The following BST1 variants were observed in gnomAD, a reference collection of about 807,000 sequenced individuals.
The protein encoded by BST1 is ADP-ribosyl cyclase/cyclic ADP-ribose hydrolase 2.
In BST1, 49 loss-of-function variants were observed where a neutral mutation model predicts 40.6. The ratio of observed to expected loss-of-function variants is 1.21; its 90% CI spans 0.96 to 1.53. The LOEUF is 1.53. Among genes scored for constraint, BST1 ranks in the 40% most tolerant of loss-of-function variants. BST1 has a pLI of 0.00. For synonymous variants in BST1, 157 were observed against 159.3 expected, an observed-to-expected ratio of 0.99 and a Z score of 0.11; for missense variants, 423 against 395.9, an observed-to-expected ratio of 1.07 and a Z score of -0.58.
chr4:15,765,311 G>A, the BST1 span, among the ~76,000 whole-genome samples: 3 of 151,894 alleles, frequency 2.0e-5, no homozygotes, highest in Admixed American at 2.0e-4. Context: ...GGCAAATCCG[G>A]TCTGTTGTAC....
Position 15,732,005 on chromosome 4 carries a change from G to A in BST1, c.*160G>A. ...GTATTTCAATGAGGCATATGTTCAG[G>A]ATTTCAGAAACAAGAAGTTAGTTCT... On this transcript the variant is annotated 3_prime_UTR_variant, in exon 9 of 9. Coordinates refer to ENST00000265016, the MANE Select transcript of BST1 (RefSeq NM_004334.3). 7.5e-7 allele frequency: 1 copy of A among 1,337,162 alleles called. No homozygotes were observed. The highest frequency in any genetic ancestry group is 9.6e-7 in the Non-Finnish European group (1 of 1,041,712). The allele number at this position is 1,337,162 out of a possible 1,614,324, so 82.8% of individuals were successfully genotyped here. A position where few individuals can be genotyped will look rare whatever the true frequency, so the allele number is the denominator to read the frequency against.
the BST1 span, among the ~76,000 whole-genome samples, chr4:15,747,237 C>T: frequency 6.6e-6 from 1 of 152,160 alleles, no homozygotes; most frequent in African/African-American, 2.4e-5. Flanking sequence ...AAGCAATATC[C>T]TTATCAACTG....
At chr4:15,725,560 C>T (rs1343097581) in intron 8 of BST1, among the ~76,000 whole-genome samples, 1 of 152,174 alleles carries the variant, frequency 6.6e-6, no homozygotes, top group African/African-American at 2.4e-5. Context: ...TTACCTACTA[C>T]CAAGTTCAGA....
the BST1 span, among the ~76,000 whole-genome samples, chr4:15,769,587 C>T: frequency 2.0e-5 from 3 of 152,080 alleles, no homozygotes; most frequent in South Asian, 4.2e-4. Flanking sequence ...AGTCTGGGCT[C>T]TGGTGGTTTG....
intron 8 of BST1, among the ~76,000 whole-genome samples, chr4:15,729,131 A>G (rs1194816333): frequency 3.3e-5 from 5 of 152,242 alleles, no homozygotes; most frequent in African/African-American, 7.2e-5. Flanking sequence ...TTTTTAAAAA[A>G]GATGTAATAT....
At chr4:15,744,692 G>T in the BST1 span, among the ~76,000 whole-genome samples, 13 of 152,200 alleles carry the variant, frequency 8.5e-5, no homozygotes, top group African/African-American at 2.9e-4. Flanking sequence ...AGGCTTAGGG[G>T]CAGAGGAGTG....
Position 15,704,735 on chromosome 4 carries a change from T to C in BST1, c.189-780T>C, listed in dbSNP as rs28449316. 2.7e-3 allele frequency among the ~76,000 whole-genome samples: 418 copies of C among 152,238 alleles called. 5 individuals carry two copies. Among genetic ancestry groups the C allele is most frequent in the African/African-American group, 9.5e-3 (396 of 41,530 alleles). On this transcript the variant is annotated intron_variant, in intron 1 of 8. Coordinates refer to ENST00000265016, the MANE Select transcript of BST1 (RefSeq NM_004334.3). ...CCCAGAATGTGATCTCAGGTTGGAATTCCTTGAGTCCAGTCCTTCCAGAAT... is the reference window on the plus strand; with the variant it reads ...CCCAGAATGTGATCTCAGGTTGGAACTCCTTGAGTCCAGTCCTTCCAGAAT...
chr4:15,758,929 G>T, the BST1 span, among the ~76,000 whole-genome samples: 1 of 151,974 alleles, frequency 6.6e-6, no homozygotes, highest in Non-Finnish European at 1.5e-5. Context: ...TGTCTTCACT[G>T]CAGGTGGATT....
downstream of BST1, among the ~76,000 whole-genome samples, chr4:15,735,637 C>T (rs1333061530): frequency 6.6e-6 from 1 of 152,194 alleles, no homozygotes; most frequent in African/African-American, 2.4e-5. Flanking sequence ...AAGGACCCAA[C>T]CAACCAACTT....
chr4:15,718,221 G>T (rs1254124020), intron 6 of BST1, among the ~76,000 whole-genome samples: 1 of 150,676 alleles, frequency 6.6e-6, no homozygotes, highest in African/African-American at 2.5e-5. Flanking sequence ...AGGCCATGCT[G>T]GAGCTAAAAA....
At chr4:15,726,869 A>ATTT (rs58317518) in intron 8 of BST1, among the ~76,000 whole-genome samples, 27 of 129,608 alleles carry the variant, frequency 2.1e-4, no homozygotes, top group African/African-American at 7.8e-4. Context: ...TTTCCTCGGT[A>ATTT]TTTTTTTTTT....
chr4:15,711,125 G>T (rs1218397954), intron 3 of BST1, among the ~76,000 whole-genome samples: 14 of 152,134 alleles, frequency 9.2e-5, no homozygotes, highest in African/African-American at 3.4e-4. Context: ...GACACAGATT[G>T]ATTCCATATC....
chr4:15,731,219 G>C (rs1721353284), intron 8 of BST1: 2 of 460,114 alleles, frequency 4.3e-6, no homozygotes, highest in Non-Finnish European at 8.1e-6. Context: ...TGTGTGAGCA[G>C]GGAGGGGCAA....
intron 8 of BST1, among the ~76,000 whole-genome samples, chr4:15,728,275 T>C (rs1721210832): frequency 6.6e-6 from 1 of 152,106 alleles, no homozygotes; most frequent in South Asian, 2.1e-4. Flanking sequence ...TAAACAACTG[T>C]TGATGTAAAT....
chr4:15,722,242 T>C (rs927959142), intron 7 of BST1, among the ~76,000 whole-genome samples: 7 of 152,246 alleles, frequency 4.6e-5, no homozygotes, highest in Non-Finnish European at 8.8e-5. Context: ...GTTCAGCCCT[T>C]CAACTTGCTA....
chr4:15,737,066 C>A (rs567521123), downstream of BST1, among the ~76,000 whole-genome samples: 1 of 152,208 alleles, frequency 6.6e-6, no homozygotes. Flanking sequence ...ACTCACTTAC[C>A]TTACCTGAGC....
Position 15,715,283 on chromosome 4 carries a change from A to G in BST1, c.535-2A>G, listed in dbSNP as rs1038738573. On this transcript the variant is annotated splice_acceptor_variant, in intron 4 of 8. Transcript: ENST00000265016. LOFTEE classifies it high-confidence loss of function. ...GCTAAAAATACTTGGTTCTTCTCGT[A>G]GTATTCCAAGGATAGTTCTGGGGTG... 8 of 1,613,716 alleles carry G rather than the reference A, an allele frequency of 5.0e-6. No individual in the cohort carries two copies. Among genetic ancestry groups the G allele is most frequent in the Middle Eastern group, 1.6e-4 (1 of 6,062 alleles).
In BST1 at chr4:15,722,932, G is replaced by A. The variant is rs767930856; in HGVS notation, c.849G>A (p.Lys283=). The change falls in exon 8 of 9, where the codon AAG becomes AAA. Residue 283 remains lysine, a splice_region_variant and synonymous_variant. Coordinates refer to ENST00000265016, the MANE Select transcript of BST1 (RefSeq NM_004334.3). The part of the protein sequence containing the change: ...DHSTHPDCAL[K]SAAAATQRKA... ...GCACCCATCCTGACTGTGCCTTAAA[G>A]TCGTAAGTAAATGTCTTAACCCAAA... The A allele has an allele frequency of 6.2e-7, 1 of 1,613,534 alleles. No homozygotes were observed. The highest frequency in any genetic ancestry group is 8.5e-7 in the Non-Finnish European group (1 of 1,179,550).
the BST1 span, among the ~76,000 whole-genome samples, chr4:15,767,505 A>G: frequency 3.3e-5 from 5 of 151,784 alleles, no homozygotes; most frequent in African/African-American, 1.2e-4. Context: ...GGGTTTCACC[A>G]TGTTGGCCAG....
Sources: gnomAD v4.1 joint callset for allele counts (sites outside exome capture counted in the v4.1 genomes callset) on GRCh38, gnomAD v4.1.1 for gene constraint, MANE v1.5 for transcripts, NCBI Gene and HGNC (gene_info 2026-07-23, HGNC 2026-07-21) for gene names.